Variants in KASH5 observed in about 807,000 individuals in gnomAD.
KASH5 encodes the protein protein KASH5.
A neutral mutation model predicts 84.2 loss-of-function variants in KASH5; 72 were observed. The ratio of observed to expected loss-of-function variants is 0.85; its 90% confidence interval spans 0.71 to 1.04. KASH5 has a LOEUF of 1.04. Ranked by LOEUF, KASH5 falls within the 50% of genes least tolerant of loss-of-function variation. The probability of loss-of-function intolerance (pLI) is 0.00; values close to 1 mark genes in which losing one functional copy is unlikely to be tolerated. For missense variants in KASH5, 650 were observed against 701.0 expected (o/e 0.93, Z 0.82); for synonymous variants, 260 against 279.1 (o/e 0.93, Z 0.68).
chr19:49,416,947 G>A lies in KASH5; in HGVS notation c.1375-68G>A. ...CTTTCTATGTGGCCACTTGTGTCCA[G>A]TGGGCTGACCTGAGCACCTCTCAGT... On this transcript the variant is annotated intron_variant, in intron 17 of 19. Transcript: ENST00000447857. The surrounding 1 kb of genome is among the most constrained non-coding windows in gnomAD (Gnocchi z 5.4). 6.7e-7 allele frequency: 1 copy of A among 1,481,688 alleles called. No homozygotes were observed. The highest frequency in any genetic ancestry group is 9.2e-7 in the Non-Finnish European group (1 of 1,085,192). The allele number at this position is 1,481,688 out of a possible 1,614,324, so 91.8% of individuals were successfully genotyped here.
intron 1 of KASH5, 26 bp from the exon 2 acceptor site, chr19:49,390,763 A>T: frequency 9.0e-7 from 1 of 1,107,512 alleles, no homozygotes; most frequent in African/African-American, 2.1e-5. Context: ...TGCTCTGAGG[A>T]CACCATTTCC....
In KASH5 at chr19:49,414,800, C is replaced by T. The variant is rs1401903539; in HGVS notation, c.1329-151C>T. On this transcript the variant is annotated intron_variant, in intron 16 of 19. Transcript: ENST00000447857. This position sits in a 1 kb window ranked among gnomAD's most constrained non-coding sequence, Gnocchi z 4.5. Reference sequence around the variant, plus strand: ...CCGTGCTGCCTGGCCTCCCCCAGGCCCGTCCGTGCTGCCTGGCCTCCCCCA... The same window carrying T: ...CCGTGCTGCCTGGCCTCCCCCAGGCTCGTCCGTGCTGCCTGGCCTCCCCCA... The T allele has an allele frequency of 4.8e-5, 31 of 651,988 alleles. No individual in the cohort carries two copies. Among genetic ancestry groups the T allele is most frequent in the Non-Finnish European group, 7.2e-5 (26 of 359,024 alleles). The allele number at this position is 651,988 out of a possible 1,614,324, so 40.4% of individuals were successfully genotyped here. A position where few individuals can be genotyped will look rare whatever the true frequency, so the allele number is the denominator to read the frequency against.
In KASH5 at chr19:49,417,167, G is replaced by A. The variant is rs764513093; in HGVS notation, c.1448G>A (p.Arg483Gln). 3.4e-5 allele frequency: 55 copies of A among 1,613,582 alleles called. No homozygotes were observed. The highest frequency in any genetic ancestry group is 7.7e-5 in the South Asian group (7 of 90,992). The change falls in exon 19 of 20, where the codon CGG (arginine) becomes CAG (glutamine). Residue 483 changes from arginine to glutamine, a missense_variant. Transcript: ENST00000447857. The surrounding 1 kb of genome is among the most constrained non-coding windows in gnomAD (Gnocchi z 5.2). ...CTCCTTCACCCCAGCAGACCTGCGC[G>A]GCGGGAACTCCAGCAAGCCCTGGTG... ...IPENPPERPA[R>Q]RELQQALVPV...
intron 9 of KASH5, among the ~76,000 whole-genome samples, chr19:49,400,985 A>G (rs1426287720): frequency 6.6e-6 from 1 of 152,184 alleles, no homozygotes; most frequent in Admixed American, 6.6e-5. Context: ...CTAGTGCTCT[A>G]GGAGGCTGCT....
At position 49,403,384 on chromosome 19, in the gene KASH5, AAGG is replaced by A. The variant is rs1342850887; in HGVS notation, c.799-3501_799-3499del. 2.1e-4 allele frequency among the ~76,000 whole-genome samples: 28 copies of A among 133,794 alleles called. No individual in the cohort carries two copies. In the East Asian group the frequency reaches 4.4e-3, roughly 21 times the overall value. 87.8% of individuals were successfully genotyped at this position (133,794 alleles called of 152,430 possible). Reference sequence around the variant, plus strand: ...AAGACTCTGTCTCAAAATAAAAAAAAAGGGGGGGGGCAGCCAGGAAATGCCCCT... The same window carrying A: ...AAGACTCTGTCTCAAAATAAAAAAAAGGGGGGGCAGCCAGGAAATGCCCCT... On this transcript the variant is annotated intron_variant, in intron 9 of 19. Coordinates refer to ENST00000447857, the MANE Select transcript of KASH5 (RefSeq NM_144688.5).
chr19:49,390,806 G>C lies in KASH5; in HGVS notation c.-78G>C. 8.1e-6 allele frequency: 12 copies of C among 1,485,698 alleles called. No homozygotes were observed. Among genetic ancestry groups the C allele is most frequent in the Non-Finnish European group, 1.1e-5 (12 of 1,104,798 alleles). The allele number at this position is 1,485,698 out of a possible 1,614,324, so 92.0% of individuals were successfully genotyped here. On this transcript the variant is annotated 5_prime_UTR_variant, in exon 2 of 20. Coordinates refer to ENST00000447857, the MANE Select transcript of KASH5 (RefSeq NM_144688.5). ...CCTTCCAGGAGTGCTCGGGCCAGCT[G>C]GTCCTTTTCCCATCCCTCCCCATGA...
Position 49,397,714 on chromosome 19 carries a change from A to C in KASH5, c.464A>C (p.Glu155Ala). ...TTCGGAGGCGAAGACCCCAGACCCG[A>C]GCTGTACCTATCCTCACACCCCTCC... ...ESFGGEDPRP[E>A]LQATADLLSS... The change falls in exon 6 of 20, where the codon GAG becomes GCG. Residue 155 changes from glutamate (E) to alanine (A), a missense_variant. Physicochemically the swap from Glu to Ala is moderately radical, Grantham distance 107. Coordinates refer to ENST00000447857, the MANE Select transcript of KASH5 (RefSeq NM_144688.5). 6.2e-7 allele frequency: 1 copy of C among 1,613,458 alleles called. No homozygotes were observed. Among genetic ancestry groups the C allele is most frequent in the Non-Finnish European group, 8.5e-7 (1 of 1,179,736 alleles).
rs1437315658 is a variant in KASH5 at position 49,414,949 on chromosome 19, A to G, written c.1329-2A>G. On this transcript the variant is annotated splice_acceptor_variant, in intron 16 of 19. Transcript: ENST00000447857. LOFTEE classifies it high-confidence loss of function. This position sits in a 1 kb window ranked among gnomAD's most constrained non-coding sequence, Gnocchi z 4.5. The stretch of plus-strand genomic sequence containing the variant: ...GCCAGCAGTGACTTTGTTGGCCCTC[A>G]GGTTGACCAGAAGAGAGGAAGAGGA... The G allele has an allele frequency of 6.2e-7, 1 of 1,612,456 alleles. No individual in the cohort carries two copies. The highest frequency in any genetic ancestry group is 1.3e-5 in the African/African-American group (1 of 75,008).
intron 10 of KASH5, 37 bp downstream of exon 10, chr19:49,407,000 A>AC: frequency 6.5e-7 from 1 of 1,544,858 alleles, no homozygotes; most frequent in East Asian, 2.4e-5. Flanking sequence ...ACTTTCCACC[A>AC]CCCCGGGGCC....
At chr19:49,411,464 G>C (rs1289636098) in intron 15 of KASH5, among the ~76,000 whole-genome samples, 3 of 152,124 alleles carry the variant, frequency 2.0e-5, no homozygotes, top group Non-Finnish European at 4.4e-5. Flanking sequence ...TGTAAGGCAG[G>C]CATCCTCATC....
In KASH5 at chr19:49,412,915, T is replaced by G; in HGVS notation, c.1270-53T>G. On this transcript the variant is annotated intron_variant, in intron 15 of 19. Transcript: ENST00000447857. The surrounding 1 kb of genome is among the most constrained non-coding windows in gnomAD (Gnocchi z 4.6). ...GGGAGACAGTGGGCACTGTTAGGGT[T>G]GGAGCTTTGAGTGAGAAGAATCAGA... The G allele has an allele frequency of 1.3e-6, 2 of 1,590,256 alleles. No individual in the cohort carries two copies. Among genetic ancestry groups the G allele is most frequent in the Non-Finnish European group, 1.7e-6 (2 of 1,161,094 alleles).
At chr19:49,398,174 GC>G in intron 7 of KASH5, 31 bp downstream of exon 7, 1 of 1,526,352 alleles carries the variant, frequency 6.6e-7, no homozygotes, top group Non-Finnish European at 8.8e-7. Context: ...ACCCTCCCCA[GC>G]GCCCCTGCCT....
rs1334856431 is a variant in KASH5 at position 49,414,701 on chromosome 19, C to A, written c.1329-250C>A. Reference sequence around the variant, plus strand: ...CCCCAGGCCCGTCCGTGCTGCCTGGCCTCCCCCAGGCCCGTCCGTGCTGCC... The same window carrying A: ...CCCCAGGCCCGTCCGTGCTGCCTGGACTCCCCCAGGCCCGTCCGTGCTGCC... On this transcript the variant is annotated intron_variant, in intron 16 of 19. Coordinates refer to ENST00000447857, the MANE Select transcript of KASH5 (RefSeq NM_144688.5). The surrounding 1 kb of genome is among the most constrained non-coding windows in gnomAD (Gnocchi z 4.5). Among the ~76,000 whole-genome samples the A allele has an allele frequency of 6.7e-6, 1 of 148,218 alleles. No homozygotes were observed. Among genetic ancestry groups the A allele is most frequent in the African/African-American group, 2.6e-5 (1 of 38,916 alleles).
intron 11 of KASH5, 83 bp from the exon 12 acceptor site, chr19:49,407,529 C>T: frequency 6.9e-7 from 1 of 1,447,778 alleles, no homozygotes; most frequent in Admixed American, 2.0e-5. Flanking sequence ...TCCCTTAACC[C>T]CCCAGCCAGT....
intron 16 of KASH5, among the ~76,000 whole-genome samples, chr19:49,413,904 C>T (rs1316441875): frequency 2.6e-5 from 4 of 152,056 alleles, no homozygotes; most frequent in Non-Finnish European, 5.9e-5. Flanking sequence ...GATCCTTTAT[C>T]GCGTGGGAGC....
In KASH5 at chr19:49,414,160, G is replaced by C. The variant is rs1402266107; in HGVS notation, c.1329-791G>C. 1.3e-5 allele frequency among the ~76,000 whole-genome samples: 2 copies of C among 152,142 alleles called. No individual in the cohort carries two copies. The highest frequency in any genetic ancestry group is 2.4e-5 in the African/African-American group (1 of 41,416). ...GAGCCTCCCGCCGAGGCAGGGTCAG[G>C]AGCCAGATCTCCTCCTAGACCGAGA... On this transcript the variant is annotated intron_variant, in intron 16 of 19. Transcript: ENST00000447857. The surrounding 1 kb of genome is among the most constrained non-coding windows in gnomAD (Gnocchi z 4.5).
rs771282639 is a variant in KASH5 at position 49,395,877 on chromosome 19, A to G, written c.400+44A>G. On this transcript the variant is annotated intron_variant, in intron 5 of 19. Transcript: ENST00000447857. This position sits in a 1 kb window ranked among gnomAD's most constrained non-coding sequence, Gnocchi z 4.4. ...GAATGAAGCAGGCAGGCCCTGGGTCAGACAGTGTGGGGACTTACCACCCAG... is the reference window on the plus strand; with the variant it reads ...GAATGAAGCAGGCAGGCCCTGGGTCGGACAGTGTGGGGACTTACCACCCAG... 6.6e-7 allele frequency: 1 copy of G among 1,513,804 alleles called. No individual in the cohort carries two copies. 93.8% of individuals were successfully genotyped at this position (1,513,804 alleles called of 1,614,324 possible).
At position 49,414,950 on chromosome 19, in the gene KASH5, G is replaced by C. The variant is rs1568625370; in HGVS notation, c.1329-1G>C. On this transcript the variant is annotated splice_acceptor_variant, in intron 16 of 19. Coordinates refer to ENST00000447857, the MANE Select transcript of KASH5 (RefSeq NM_144688.5). LOFTEE classifies it high-confidence loss of function. The surrounding 1 kb of genome is among the most constrained non-coding windows in gnomAD (Gnocchi z 4.5). ...CCAGCAGTGACTTTGTTGGCCCTCA[G>C]GTTGACCAGAAGAGAGGAAGAGGAG... The C allele has an allele frequency of 2.5e-6, 4 of 1,612,610 alleles. No homozygotes were observed. The highest frequency in any genetic ancestry group is 3.4e-6 in the Non-Finnish European group (4 of 1,179,424).
chr19:49,398,189 T>G, intron 7 of KASH5, 46 bp downstream of exon 7: 1 of 1,488,762 alleles, frequency 6.7e-7, no homozygotes, highest in Non-Finnish European at 9.0e-7. Flanking sequence ...CCTGCCTCCG[T>G]CCTCCCTGCA....
Sources: gnomAD v4.1 joint callset for allele counts (sites outside exome capture counted in the v4.1 genomes callset) on GRCh38, gnomAD v4.1.1 for gene constraint, Gnocchi (gnomAD v3.1) non-coding constraint, MANE v1.5 for transcripts, NCBI Gene and HGNC (gene_info 2026-07-23, HGNC 2026-07-21) for gene names.